FA2H: variants seen among roughly 807,000 people sequenced by gnomAD.
The protein encoded by FA2H is fatty acid 2-hydroxylase, also known as fatty acid alpha-hydroxylase.
In FA2H, 22 loss-of-function variants were observed where a neutral mutation model predicts 44.9. The ratio of observed to expected loss-of-function variants is 0.49; its 90% CI spans 0.35 to 0.70. FA2H has a LOEUF of 0.70. FA2H is among the 30% of genes least tolerant of loss of function. FA2H has a pLI of 0.01. For missense variants in FA2H, 501 were observed against 504.9 expected, an observed-to-expected ratio of 0.99 and a Z score of 0.07; for synonymous variants, 243 against 213.2, an observed-to-expected ratio of 1.14 and a Z score of -1.22.
chr16:74,729,663 C>G (rs1340205018), intron 2 of FA2H, among the ~76,000 whole-genome samples: 1 of 152,204 alleles, frequency 6.6e-6, no homozygotes, highest in African/African-American at 2.4e-5. Flanking sequence ...CTGGGTTAAT[C>G]TGGACCGAAT....
chr16:74,751,462 C>T (rs532012735), intron 1 of FA2H, among the ~76,000 whole-genome samples: 4 of 152,138 alleles, frequency 2.6e-5, no homozygotes, highest in East Asian at 1.9e-4. Flanking sequence ...CAACTGGTGA[C>T]GCCTGGTGGG....
chr16:74,772,250 C>T (rs1962924236), intron 1 of FA2H, among the ~76,000 whole-genome samples: 3 of 152,184 alleles, frequency 2.0e-5, no homozygotes, highest in Admixed American at 6.5e-5. Context: ...CGTGCTGTTC[C>T]CTTTGCCCAA....
At chr16:74,767,539 C>T (rs144440410) in intron 1 of FA2H, among the ~76,000 whole-genome samples, 2 of 152,126 alleles carry the variant, frequency 1.3e-5, no homozygotes, top group East Asian at 1.9e-4. Flanking sequence ...AGTGTGACCC[C>T]GAGTGTACTT....
chr16:74,742,676 A>T (rs1962337272), intron 1 of FA2H, among the ~76,000 whole-genome samples: 1 of 152,094 alleles, frequency 6.6e-6, no homozygotes, highest in Non-Finnish European at 1.5e-5. Flanking sequence ...TCTATCAAAG[A>T]AAAAATAAAA....
chr16:74,762,472 T>C (rs982619746), intron 1 of FA2H, among the ~76,000 whole-genome samples: 1 of 152,230 alleles, frequency 6.6e-6, no homozygotes, highest in Non-Finnish European at 1.5e-5. Context: ...TTAAAGATAA[T>C]CAATTTCCCT....
chr16:74,720,236 C>T (rs1961806148), intron 4 of FA2H, among the ~76,000 whole-genome samples: 1 of 109,350 alleles, frequency 9.1e-6, no homozygotes, highest in Non-Finnish European at 1.7e-5. Context: ...TGCTCTGTTG[C>T]CTAGGCTGGA....
intron 1 of FA2H, among the ~76,000 whole-genome samples, chr16:74,750,787 G>C (rs1962513656): frequency 6.6e-6 from 1 of 151,562 alleles, no homozygotes; most frequent in South Asian, 2.1e-4. Context: ...GTGTGTGTGT[G>C]TGTTTAAGAG....
intron 4 of FA2H, among the ~76,000 whole-genome samples, chr16:74,724,438 G>T (rs535614474): frequency 6.6e-6 from 1 of 152,158 alleles, no homozygotes; most frequent in Non-Finnish European, 1.5e-5. Flanking sequence ...TTTCATGTGC[G>T]CATCTAGGAA....
At chr16:74,718,651 T>C (rs1868838859) in intron 5 of FA2H, among the ~76,000 whole-genome samples, 1 of 152,216 alleles carries the variant, frequency 6.6e-6, no homozygotes, top group Non-Finnish European at 1.5e-5. Context: ...TTTTGTTCAA[T>C]GATGTCTAGA....
chr16:74,732,419 T>C (rs1962090283), intron 2 of FA2H, among the ~76,000 whole-genome samples: 1 of 152,100 alleles, frequency 6.6e-6, no homozygotes, highest in Non-Finnish European at 1.5e-5. Context: ...GAAAATGGCA[T>C]AGGATTCTTT....
chr16:74,735,153 C>T (rs1174758623), intron 2 of FA2H, among the ~76,000 whole-genome samples: 5 of 152,218 alleles, frequency 3.3e-5, no homozygotes, highest in Non-Finnish European at 5.9e-5. Context: ...GGCCTGGACT[C>T]GAGTGCCCCA....
chr16:74,716,055 T>C (rs1474632115), intron 6 of FA2H, among the ~76,000 whole-genome samples: 2 of 152,162 alleles, frequency 1.3e-5, no homozygotes, highest in Non-Finnish European at 2.9e-5. Context: ...CCTCAAGTGA[T>C]CTACCTGCCT....
rs1961772757 is a variant in FA2H at position 74,719,045 on chromosome 16, G to C, written c.729C>G (p.Pro243=). The part of the protein sequence containing the change: ...IHRFLFHMKP[P]SDSYYLIMLH... ...GCATGATGAGGTAATAGCTGTCGCT[G>C]GGGGGCTTCATGTGGAACAGGAAGC... The change falls in exon 5 of 7, where the codon CCC becomes CCG. Residue 243 remains proline (P), a synonymous_variant. Coordinates refer to ENST00000219368, the MANE Select transcript of FA2H (RefSeq NM_024306.5). The C allele has an allele frequency of 1.2e-6, 2 of 1,613,976 alleles. No homozygotes were observed. The highest frequency in any genetic ancestry group is 1.6e-4 in the Middle Eastern group (1 of 6,062).
At chr16:74,714,834 A>ATT (rs528963288) in intron 6 of FA2H, among the ~76,000 whole-genome samples, 17 of 137,876 alleles carry the variant, frequency 1.2e-4, no homozygotes, top group Non-Finnish European at 1.1e-4. Flanking sequence ...AGTTACTGGA[A>ATT]TTTTTTTTTT....
chr16:74,716,447 C>A lies in FA2H; in HGVS notation c.939G>T (p.Met313Ile). Residue 313 changes from methionine to isoleucine, a missense_variant, in exon 6 of 7, where the codon ATG becomes ATT. Coordinates refer to ENST00000219368, the MANE Select transcript of FA2H (RefSeq NM_024306.5). ...AGCCAAAGTGCAGGTAGTAATGGGT[C>A]ATGTCATAGAGGACGTAGCCCAGGA... is the stretch of plus-strand genomic sequence containing the variant. ...GGLLGYVLYD[M>I]THYYLHFGSP... 3 of 1,613,986 alleles carry A rather than the reference C, an allele frequency of 1.9e-6. No homozygotes were observed. The Admixed American group carries it at 5.0e-5, about 27-fold the overall frequency.
At chr16:74,721,334 A>AT (rs751471901) in intron 4 of FA2H, among the ~76,000 whole-genome samples, 9 of 151,954 alleles carry the variant, frequency 5.9e-5, no homozygotes, top group Non-Finnish European at 1.3e-4. Flanking sequence ...TGCCCAACTA[A>AT]TTTTTGTATT....
chr16:74,714,333 G>T, intron 6 of FA2H, 64 bp from the exon 7 acceptor site: 1 of 1,057,458 alleles, frequency 9.5e-7, no homozygotes, highest in Non-Finnish European at 1.4e-6. Flanking sequence ...GCTGGCTTGG[G>T]AAGGGTGCCA....
chr16:74,747,233 C>T (rs1962440609), intron 1 of FA2H, among the ~76,000 whole-genome samples: 1 of 152,014 alleles, frequency 6.6e-6, no homozygotes, highest in African/African-American at 2.4e-5. Context: ...ATTGCTTGAA[C>T]CCAGGAAATG....
At chr16:74,716,204 C>T (rs1388203863) in intron 6 of FA2H, 143 bp downstream of exon 6, 4 of 849,918 alleles carry the variant, frequency 4.7e-6, no homozygotes, top group East Asian at 5.0e-5. Context: ...CAGCTGTCTG[C>T]ACCAGGGAAG....
Sources: allele counts gnomAD v4.1 joint callset (sites outside exome capture counted in the v4.1 genomes callset), GRCh38; gene constraint gnomAD v4.1.1; transcripts MANE v1.5; gene names NCBI Gene and HGNC (gene_info 2026-07-23, HGNC 2026-07-21).